The following GPM6A variants were observed in gnomAD, a reference collection of about 807,000 sequenced individuals.
The protein encoded by GPM6A is glycoprotein M6A.
Under a neutral mutation model 32.1 loss-of-function variants are expected in GPM6A, and 7 were observed. The ratio of observed to expected loss-of-function variants is 0.22; its 90% CI spans 0.12 to 0.41. GPM6A has a LOEUF of 0.41. Ranked by LOEUF, GPM6A falls within the 10% of genes least tolerant of loss-of-function variation. GPM6A has a pLI of 1.00. For synonymous variants in GPM6A, 130 were observed against 123.4 expected, an observed-to-expected ratio of 1.05 and a Z score of -0.35; for missense variants, 235 against 347.2, an observed-to-expected ratio of 0.68 and a Z score of 2.57.
At chr4:175,923,323 G>A (rs541754039) in intron 1 of GPM6A, among the ~76,000 whole-genome samples, 1 of 148,600 alleles carries the variant, frequency 6.7e-6, no homozygotes, top group Non-Finnish European at 1.5e-5. Context: ...CAAAGGTAGA[G>A]AGCCATGGGA....
rs532417099 is a variant in GPM6A, at chr4:175,998,868, T to G, written c.-23+3441A>C. ...CAACATTTTCACTAATCTCATTATG[T>G]CTTCCCTGCTCAAAAACCTTCCATG... On this transcript the variant is annotated intron_variant, in intron 1 of 7. Coordinates refer to the GPM6A transcript ENST00000280187. Among the ~76,000 whole-genome samples, 28 of 133,434 alleles carry G rather than the reference T, an allele frequency of 2.1e-4. No homozygotes were observed. In the South Asian group the frequency reaches 6.7e-3, roughly 32 times the overall value. The allele number at this position is 133,434 out of a possible 152,430, so 87.5% of individuals were successfully genotyped here.
intron 1 of GPM6A, among the ~76,000 whole-genome samples, chr4:175,880,792 C>T (rs894480980): frequency 6.6e-6 from 1 of 152,108 alleles, no homozygotes; most frequent in African/African-American, 2.4e-5. Context: ...TGGGCTGAGA[C>T]GATGGGGTTT....
At chr4:175,753,700 C>T (rs954256067) in intron 1 of GPM6A, among the ~76,000 whole-genome samples, 1 of 152,108 alleles carries the variant, frequency 6.6e-6, no homozygotes, top group Non-Finnish European at 1.5e-5. Context: ...TAATGGTCTT[C>T]CAAATTCTGC....
intron 1 of GPM6A, among the ~76,000 whole-genome samples, chr4:175,851,226 G>C (rs555898771): frequency 2.6e-5 from 4 of 151,868 alleles, no homozygotes; most frequent in African/African-American, 9.7e-5. Flanking sequence ...GTGTGGTGGC[G>C]GGCACCTGTA....
chr4:175,802,744 G>A (rs1217348035), intron 1 of GPM6A, among the ~76,000 whole-genome samples: 3 of 151,992 alleles, frequency 2.0e-5, no homozygotes, highest in Admixed American at 2.0e-4. Flanking sequence ...AATTTTAACA[G>A]CGTATTATAA....
intron 1 of GPM6A, among the ~76,000 whole-genome samples, chr4:175,743,035 G>T (rs1731951534): frequency 1.3e-5 from 2 of 151,882 alleles, no homozygotes. Flanking sequence ...AAAATATTTT[G>T]CAAGAACAAG....
intron 1 of GPM6A, chr4:175,971,018 A>G (rs1740486205): frequency 2.6e-6 from 1 of 384,216 alleles, no homozygotes; most frequent in Non-Finnish European, 5.0e-6. Context: ...CAAATACAAT[A>G]CAGCCTCAGT....
At chr4:175,853,585 T>C (rs1252235084) in intron 1 of GPM6A, among the ~76,000 whole-genome samples, 1 of 151,048 alleles carries the variant, frequency 6.6e-6, no homozygotes, top group African/African-American at 2.4e-5. Context: ...TCTTCATTAC[T>C]CTTTACAAAG....
intron 1 of GPM6A, among the ~76,000 whole-genome samples, chr4:175,765,977 C>T (rs1450253602): frequency 6.6e-6 from 1 of 152,180 alleles, no homozygotes; most frequent in Non-Finnish European, 1.5e-5. Flanking sequence ...AAATCACCTT[C>T]CAATACAAAT....
In GPM6A at chr4:175,905,111, T is replaced by A. The variant is rs761780312; in HGVS notation, c.-22-92862A>T. 3.3e-5 allele frequency among the ~76,000 whole-genome samples: 5 copies of A among 152,206 alleles called. No individual in the cohort carries two copies. In the East Asian group the frequency reaches 9.7e-4, roughly 29 times the overall value. ...AGCATTTTAACATAGAGCAACAAACTGTGGAAGTGACAAGATGAAGGAAAA... is the reference window on the plus strand; with the variant it reads ...AGCATTTTAACATAGAGCAACAAACAGTGGAAGTGACAAGATGAAGGAAAA... On this transcript the variant is annotated intron_variant, in intron 1 of 7. Transcript: ENST00000280187.
intron 1 of GPM6A, among the ~76,000 whole-genome samples, chr4:175,771,382 G>T (rs1733181923): frequency 6.6e-6 from 1 of 151,914 alleles, no homozygotes; most frequent in Middle Eastern, 3.4e-3. Flanking sequence ...GACCTTCCTG[G>T]CCAACATGGC....
intron 1 of GPM6A, among the ~76,000 whole-genome samples, chr4:175,794,644 T>G (rs1240340777): frequency 6.6e-6 from 1 of 152,202 alleles, no homozygotes; most frequent in Non-Finnish European, 1.5e-5. Flanking sequence ...CCTGGGGAAT[T>G]GCATGACTTA....
chr4:175,645,433 A>T (rs1167122231), intron 4 of GPM6A, among the ~76,000 whole-genome samples: 12 of 152,072 alleles, frequency 7.9e-5, no homozygotes, highest in Admixed American at 7.9e-4. Context: ...TCTTAAGAAA[A>T]TTGTAGGCCG....
At chr4:175,862,407 TTTTAA>T (rs1344975390) in intron 1 of GPM6A, among the ~76,000 whole-genome samples, 1 of 152,226 alleles carries the variant, frequency 6.6e-6, no homozygotes, top group East Asian at 1.9e-4. Flanking sequence ...AATACATTCT[TTTTAA>T]TTTATTTTTG....
At chr4:175,869,229 A>AT (rs1425782681) in intron 1 of GPM6A, among the ~76,000 whole-genome samples, 1 of 152,104 alleles carries the variant, frequency 6.6e-6, no homozygotes, top group Admixed American at 6.6e-5. Context: ...TTATCTATGC[A>AT]TTTTTTCACA....
chr4:175,826,230 A>G (rs1328923876), intron 1 of GPM6A, among the ~76,000 whole-genome samples: 1 of 151,940 alleles, frequency 6.6e-6, no homozygotes, highest in Non-Finnish European at 1.5e-5. Context: ...ACTGATCCGT[A>G]CCATAAGGCT....
chr4:175,985,538 C>A (rs887823878), intron 1 of GPM6A, among the ~76,000 whole-genome samples: 12 of 152,230 alleles, frequency 7.9e-5, no homozygotes, highest in Admixed American at 5.9e-4. Context: ...TCTTTCCAAC[C>A]TTTCCACTTA....
At chr4:175,817,544 T>C (rs1256811810) in intron 1 of GPM6A, among the ~76,000 whole-genome samples, 2 of 152,230 alleles carry the variant, frequency 1.3e-5, no homozygotes, top group South Asian at 2.1e-4. Context: ...TATTTAGTTT[T>C]GATAGTTGGA....
intron 1 of GPM6A, among the ~76,000 whole-genome samples, chr4:175,867,253 T>G (rs999098231): frequency 6.6e-6 from 1 of 152,208 alleles, no homozygotes; most frequent in African/African-American, 2.4e-5. Context: ...GTTTTTAATT[T>G]TAATAAACCC....
Sources: gnomAD v4.1 joint callset for allele counts (sites outside exome capture counted in the v4.1 genomes callset) on GRCh38, gnomAD v4.1.1 for gene constraint, MANE v1.5 for transcripts, NCBI Gene and HGNC (gene_info 2026-07-23, HGNC 2026-07-21) for gene names.